The following AMPH variants were observed in gnomAD, a reference collection of about 807,000 sequenced individuals.
The protein encoded by AMPH is amphiphysin (Stiff-Mann syndrome with breast cancer 128kD autoantigen).
A neutral mutation model predicts 99.1 loss-of-function variants in AMPH; 49 were observed. That is an observed-to-expected ratio of 0.49 (90% CI 0.39 to 0.63). The LOEUF (loss-of-function observed/expected upper bound fraction) is 0.63. Ranked by LOEUF, AMPH falls within the 20% of genes least tolerant of loss-of-function variation. AMPH has a pLI of 0.00. For synonymous variants in AMPH, 314 were observed against 317.3 expected (o/e 0.99, Z 0.11); for missense variants, 759 against 863.4 (o/e 0.88, Z 1.52).
chr7:38,422,594 C>G (rs879067777), intron 15 of AMPH, 117 bp from the exon 16 acceptor site: 1 of 718,820 alleles, frequency 1.4e-6, no homozygotes, highest in Non-Finnish European at 2.2e-6. Flanking sequence ...ATCTATCTAT[C>G]TATCTATCCA....
intron 1 of AMPH, among the ~76,000 whole-genome samples, chr7:38,544,621 A>T (rs1372657723): frequency 6.6e-6 from 1 of 152,232 alleles, no homozygotes; most frequent in East Asian, 1.9e-4. Flanking sequence ...GAAAGAAAAT[A>T]AGTGCTAATA....
chr7:38,404,530 C>G (rs1007924827), intron 17 of AMPH, among the ~76,000 whole-genome samples: 4 of 152,074 alleles, frequency 2.6e-5, no homozygotes, highest in African/African-American at 7.2e-5. Flanking sequence ...ACCAAGGAAC[C>G]CATGTAGAGC....
intron 1 of AMPH, among the ~76,000 whole-genome samples, chr7:38,609,547 G>A (rs1347945480): frequency 6.6e-6 from 1 of 152,136 alleles, no homozygotes; most frequent in Non-Finnish European, 1.5e-5. Flanking sequence ...TCCAAACAAT[G>A]GTCCATCCTT....
At chr7:38,488,464 G>A (rs2196677) in intron 5 of AMPH, among the ~76,000 whole-genome samples, 38,768 of 149,282 alleles carry the variant, frequency 0.26, 6,016 homozygotes, top group African/African-American at 0.43. Context: ...CATAAGTGGG[G>A]GCTGAACAAT....
chr7:38,445,300 C>A (rs904823236), intron 11 of AMPH, among the ~76,000 whole-genome samples: 1 of 151,858 alleles, frequency 6.6e-6, no homozygotes, highest in Non-Finnish European at 1.5e-5. Context: ...AAATGTAACA[C>A]CTGAAAATAA....
At chr7:38,418,578 A>G (rs1785472006) in intron 16 of AMPH, among the ~76,000 whole-genome samples, 1 of 152,250 alleles carries the variant, frequency 6.6e-6, no homozygotes, top group South Asian at 2.1e-4. Flanking sequence ...GAAGAACAGA[A>G]TCAGCTACCT....
chr7:38,448,441 T>C (rs1185931114), intron 11 of AMPH, among the ~76,000 whole-genome samples: 1 of 152,210 alleles, frequency 6.6e-6, no homozygotes, highest in African/African-American at 2.4e-5. Context: ...ACTATGTTTT[T>C]TCCTATACAT....
chr7:38,519,345 A>C (rs1459659947), intron 2 of AMPH, among the ~76,000 whole-genome samples: 1 of 152,232 alleles, frequency 6.6e-6, no homozygotes, highest in Non-Finnish European at 1.5e-5. Context: ...TTGAGTTTAA[A>C]GATTAATGGA....
intron 17 of AMPH, among the ~76,000 whole-genome samples, chr7:38,405,392 C>A (rs1169092015): frequency 6.6e-6 from 1 of 151,922 alleles, no homozygotes; most frequent in Non-Finnish European, 1.5e-5. Flanking sequence ...CTTAATGTTC[C>A]ACTTATAGAT....
rs1364667810 is a variant in AMPH, at chr7:38,543,551, C to A, written c.70-8540G>T. On this transcript the variant is annotated intron_variant, in intron 1 of 20. Coordinates refer to ENST00000356264, the MANE Select transcript of AMPH (RefSeq NM_001635.4). ...AATTTACAATATATCAAGCACAGAT[C>A]TAAGTGTCCTATATCTAAAAATGTA... 3.8e-4 allele frequency among the ~76,000 whole-genome samples: 58 copies of A among 152,170 alleles called. 3 individuals carry two copies. Among genetic ancestry groups the A allele is most frequent in the Admixed American group, 3.8e-3 (58 of 15,282 alleles).
intron 16 of AMPH, 139 bp downstream of exon 16, chr7:38,422,282 T>C: frequency 1.4e-6 from 1 of 690,204 alleles, no homozygotes. Flanking sequence ...AGACACATTC[T>C]CTCCTGTTTT....
chr7:38,525,120 T>TTG (rs941877185), intron 2 of AMPH, among the ~76,000 whole-genome samples: 12 of 150,724 alleles, frequency 8.0e-5, no homozygotes, highest in Admixed American at 4.0e-4. Context: ...TCATTTGCAG[T>TTG]TGTGTGTGTG....
intron 20 of AMPH, among the ~76,000 whole-genome samples, chr7:38,388,152 C>T (rs1391467926): frequency 5.9e-5 from 9 of 152,134 alleles, no homozygotes; most frequent in East Asian, 5.8e-4. Flanking sequence ...GATAGAAACT[C>T]GGACTTAAGG....
intron 3 of AMPH, among the ~76,000 whole-genome samples, chr7:38,499,426 A>G (rs1002301698): frequency 2.0e-5 from 3 of 152,174 alleles, no homozygotes; most frequent in African/African-American, 7.2e-5. Context: ...AATGATTAGA[A>G]TTCATTTAAC....
At chr7:38,406,717 T>TC (rs1282400138) in intron 17 of AMPH, among the ~76,000 whole-genome samples, 9 of 118,832 alleles carry the variant, frequency 7.6e-5, no homozygotes, top group East Asian at 3.2e-4. Context: ...TCCTCTCCTC[T>TC]CTCTCTCCCT....
At chr7:38,396,839 G>A (rs1784685197) in intron 17 of AMPH, among the ~76,000 whole-genome samples, 1 of 152,168 alleles carries the variant, frequency 6.6e-6, no homozygotes, top group Non-Finnish European at 1.5e-5. Flanking sequence ...TTTATTGTCG[G>A]AGACATTAAC....
intron 2 of AMPH, among the ~76,000 whole-genome samples, chr7:38,505,273 T>C (rs1393441310): frequency 6.6e-6 from 1 of 152,202 alleles, no homozygotes; most frequent in Non-Finnish European, 1.5e-5. Context: ...AACACTTGCA[T>C]TGTGCAGGTA....
chr7:38,469,046 C>T (rs1488851724), intron 7 of AMPH, among the ~76,000 whole-genome samples: 1 of 109,960 alleles, frequency 9.1e-6, no homozygotes, highest in South Asian at 3.8e-4. Context: ...CCCAGCTACT[C>T]GGGAGGCTGA....
chr7:38,421,669 G>A (rs6462837), intron 16 of AMPH, among the ~76,000 whole-genome samples: 7,119 of 152,232 alleles, frequency 0.047, 528 homozygotes, highest in African/African-American at 0.16. Context: ...AAAGGCAGGA[G>A]CTAGGATAAG....
Sources: gnomAD v4.1 joint callset for allele counts (sites outside exome capture counted in the v4.1 genomes callset) on GRCh38, gnomAD v4.1.1 for gene constraint, MANE v1.5 for transcripts, NCBI Gene and HGNC (gene_info 2026-07-23, HGNC 2026-07-21) for gene names.